The following NEK6 variants were observed in gnomAD, a reference collection of about 807,000 sequenced individuals.
NEK6 encodes the protein serine/threonine-protein kinase Nek6.
NEK6 carries 27 observed loss-of-function variants against 43.5 expected under a neutral mutation model. That is an observed-to-expected ratio of 0.62 (90% confidence interval 0.46 to 0.86). NEK6 has a LOEUF of 0.86. Among genes scored for constraint, NEK6 ranks in the 40% least tolerant of loss-of-function variants. The probability of loss-of-function intolerance (pLI) is 0.00; values close to 1 mark genes in which losing one functional copy is unlikely to be tolerated. For synonymous variants in NEK6, 167 were observed against 164.1 expected (o/e 1.02, Z -0.14); for missense variants, 318 against 414.4 (o/e 0.77, Z 2.02).
At chr9:124,270,179 G>C (rs963383847) in intron 1 of NEK6, among the ~76,000 whole-genome samples, 3 of 151,994 alleles carry the variant, frequency 2.0e-5, no homozygotes, top group Non-Finnish European at 4.4e-5. Context: ...TTACTTCTCT[G>C]TGCCCTGGAG....
At chr9:124,293,218 A>T (rs544012762) in intron 1 of NEK6, among the ~76,000 whole-genome samples, 1 of 152,364 alleles carries the variant, frequency 6.6e-6, no homozygotes, top group East Asian at 1.9e-4. Flanking sequence ...TATCAGCTGC[A>T]TGAGCTCGAC....
chr9:124,292,841 T>C (rs983155890), intron 1 of NEK6: 2 of 1,438,300 alleles, frequency 1.4e-6, no homozygotes, highest in Non-Finnish European at 1.8e-6. Flanking sequence ...GACATTTCCA[T>C]GTTCAAGGAG....
chr9:124,346,043 A>G (rs1829908703), intron 8 of NEK6, among the ~76,000 whole-genome samples: 1 of 152,004 alleles, frequency 6.6e-6, no homozygotes, highest in African/African-American at 2.4e-5. Context: ...CAGGCTCCAC[A>G]TGGGTTCCCA....
chr9:124,323,030 C>T (rs557255918), intron 5 of NEK6, among the ~76,000 whole-genome samples: 6 of 136,186 alleles, frequency 4.4e-5, no homozygotes, highest in Admixed American at 3.7e-4. Flanking sequence ...CTTGTTTCTC[C>T]TTCACACGGA....
At position 124,322,173 on chromosome 9, in the gene NEK6, T is replaced by C. The variant is rs535492186; in HGVS notation, c.405+604T>C. Reference sequence around the variant, plus strand: ...GCCTGGGACCCTTTGGTGGACATGGTCCCAAGATGCTCTCCCCAGCCCTAG... The same window carrying C: ...GCCTGGGACCCTTTGGTGGACATGGCCCCAAGATGCTCTCCCCAGCCCTAG... On this transcript the variant is annotated intron_variant, in intron 5 of 9. Coordinates refer to ENST00000320246, the MANE Select transcript of NEK6 (RefSeq NM_014397.6). 3.9e-5 allele frequency among the ~76,000 whole-genome samples: 6 copies of C among 152,094 alleles called. No individual in the cohort carries two copies. In the South Asian group the frequency reaches 1.0e-3, roughly 26 times the overall value.
chr9:124,314,665 TA>T (rs2130874964), intron 4 of NEK6, among the ~76,000 whole-genome samples: 1 of 152,048 alleles, frequency 6.6e-6, no homozygotes, highest in South Asian at 2.1e-4. Flanking sequence ...TTTTATTTTT[TA>T]TTTCTTTTGT....
At chr9:124,277,343 G>A (rs573652380) in intron 1 of NEK6, among the ~76,000 whole-genome samples, 2 of 152,370 alleles carry the variant, frequency 1.3e-5, no homozygotes, top group South Asian at 4.1e-4. Context: ...CTACTTGGGA[G>A]GCTGAGGCAG....
At chr9:124,325,217 G>C (rs996496902) in intron 5 of NEK6, among the ~76,000 whole-genome samples, 26 of 152,046 alleles carry the variant, frequency 1.7e-4, no homozygotes, top group African/African-American at 6.0e-4. Flanking sequence ...CTTTCTAGGT[G>C]GGAGGCCTGG....
At position 124,324,147 on chromosome 9, in the gene NEK6, C is replaced by G. The variant is rs1415231140; in HGVS notation, c.406-2183C>G. Among the ~76,000 whole-genome samples, 2 of 152,232 alleles carry G rather than the reference C, an allele frequency of 1.3e-5. No homozygotes were observed. The highest frequency in any genetic ancestry group is 2.4e-5 in the African/African-American group (1 of 41,462). ...AGGGGAGGCCTGGCAGTGCAGAGAC[C>G]CACTCGAGTAAGACACGTCCCCTGG... On this transcript the variant is annotated intron_variant, in intron 5 of 9. Transcript: ENST00000320246. The surrounding 1 kb of genome is among the most constrained non-coding windows in gnomAD (Gnocchi z 5.3).
At chr9:124,320,382 T>A (rs1834007700) in intron 4 of NEK6, among the ~76,000 whole-genome samples, 1 of 152,228 alleles carries the variant, frequency 6.6e-6, no homozygotes, top group Non-Finnish European at 1.5e-5. Context: ...GGGGCTTGCA[T>A]GGCTCTGTAA....
rs1295859322 is a variant in NEK6, at chr9:124,326,870, G to A, written c.514+432G>A. ...CCCGGCAGGGCACGAGGTCCTTTAC[G>A]TAGGCTGCTTCATGGACACCTCCGT... On this transcript the variant is annotated intron_variant, in intron 6 of 9. Transcript: ENST00000320246. The surrounding 1 kb of genome is among the most constrained non-coding windows in gnomAD (Gnocchi z 4.5). Among the ~76,000 whole-genome samples the A allele has an allele frequency of 3.3e-5, 5 of 152,170 alleles. No homozygotes were observed. The highest frequency in any genetic ancestry group is 9.7e-5 in the African/African-American group (4 of 41,444).
chr9:124,338,996 C>T (rs1038015936), intron 7 of NEK6, among the ~76,000 whole-genome samples: 1 of 151,036 alleles, frequency 6.6e-6, no homozygotes, highest in African/African-American at 2.4e-5. Context: ...AACACCAACC[C>T]CCAGCTCTCC....
Position 124,258,005 on chromosome 9 carries a change from C to T in NEK6, c.-110C>T, listed in dbSNP as rs1449323642. On this transcript the variant is annotated 5_prime_UTR_variant, in exon 1 of 10. Coordinates refer to ENST00000320246, the MANE Select transcript of NEK6 (RefSeq NM_014397.6). ...GGGCGTGCGGCCGCTGCGCCGCAAACTCGTGTGGGACGCACCGCTCCAGCC... is the reference window on the plus strand; with the variant it reads ...GGGCGTGCGGCCGCTGCGCCGCAAATTCGTGTGGGACGCACCGCTCCAGCC... 3.1e-6 allele frequency: 3 copies of T among 978,838 alleles called. No individual in the cohort carries two copies. The highest frequency in any genetic ancestry group is 3.6e-6 in the Non-Finnish European group (3 of 827,476). The allele number at this position is 978,838 out of a possible 1,614,324, so 60.6% of individuals were successfully genotyped here.
intron 2 of NEK6, among the ~76,000 whole-genome samples, chr9:124,308,588 G>A (rs991811797): frequency 5.3e-5 from 8 of 151,872 alleles, no homozygotes; most frequent in East Asian, 3.9e-4. Context: ...CCCGGGAGGC[G>A]GAGATTGCAA....
chr9:124,292,168 C>A, intron 1 of NEK6: 1 of 1,243,272 alleles, frequency 8.0e-7, no homozygotes, highest in Non-Finnish European at 1.0e-6. Context: ...GGGAACCAGG[C>A]CCCAGGGACC....
In NEK6 at chr9:124,275,053, A is replaced by G. The variant is rs969592343; in HGVS notation, c.-30+16968A>G. On this transcript the variant is annotated intron_variant, in intron 1 of 9. Transcript: ENST00000320246. The surrounding 1 kb of genome is among the most constrained non-coding windows in gnomAD (Gnocchi z 4.4). ...CGAGCTCTGCTTAGTTCTTGTGATT[A>G]GTTCATCGTGTGCCTCACCACACTT... Among the ~76,000 whole-genome samples the G allele has an allele frequency of 6.6e-6, 1 of 152,196 alleles. No homozygotes were observed. The highest frequency in any genetic ancestry group is 2.4e-5 in the African/African-American group (1 of 41,440).
chr9:124,305,086 T>C (rs974479682), intron 2 of NEK6, among the ~76,000 whole-genome samples: 2 of 152,090 alleles, frequency 1.3e-5, no homozygotes, highest in Non-Finnish European at 2.9e-5. Context: ...GCAAAGCCAG[T>C]TGGGATGTGC....
chr9:124,293,793 A>G (rs1832543469), intron 1 of NEK6, among the ~76,000 whole-genome samples: 1 of 152,178 alleles, frequency 6.6e-6, no homozygotes. Flanking sequence ...TTTACAGATG[A>G]CCGCGAAGGT....
At chr9:124,292,856 A>C (rs1406705560) in intron 1 of NEK6, 35 of 1,448,500 alleles carry the variant, frequency 2.4e-5, no homozygotes, top group Non-Finnish European at 2.7e-5. Context: ...AAGGAGAAGA[A>C]GACACATGAA....
Sources: allele counts gnomAD v4.1 joint callset (sites outside exome capture counted in the v4.1 genomes callset), GRCh38; gene constraint gnomAD v4.1.1; non-coding constraint Gnocchi (gnomAD v3.1); transcripts MANE v1.5; gene names NCBI Gene and HGNC (gene_info 2026-07-23, HGNC 2026-07-21).